EML6: variants seen among roughly 807,000 people sequenced by gnomAD.
EML6 encodes EMAP like 6.
EML6 carries 154 observed loss-of-function variants against 240.1 expected under a neutral mutation model. That is an observed-to-expected ratio of 0.64 (90% CI 0.56 to 0.73). The LOEUF (loss-of-function observed/expected upper bound fraction) is 0.73, where lower values mean the gene tolerates loss of function less well. Among genes scored for constraint, EML6 ranks in the 30% least tolerant of loss-of-function variants. EML6 has a pLI of 0.00. For missense variants in EML6, 2,964 were observed against 2,474.6 expected, an observed-to-expected ratio of 1.20 and a Z score of -4.20; for synonymous variants, 1,148 against 899.0, an observed-to-expected ratio of 1.28 and a Z score of -4.95.
intron 2 of EML6, among the ~76,000 whole-genome samples, chr2:54,776,969 C>T (rs1268248081): frequency 6.6e-6 from 1 of 152,026 alleles, no homozygotes; most frequent in Non-Finnish European, 1.5e-5. Flanking sequence ...AAAAAAACAC[C>T]TTTGATTTTG....
At chr2:54,913,811 A>G (rs2104303094) in intron 25 of EML6, among the ~76,000 whole-genome samples, 1 of 152,212 alleles carries the variant, frequency 6.6e-6, no homozygotes, top group Non-Finnish European at 1.5e-5. Context: ...TAAATCTCTA[A>G]TCCATCTTGA....
chr2:54,912,392 A>G (rs538016406), intron 25 of EML6, among the ~76,000 whole-genome samples: 4 of 152,234 alleles, frequency 2.6e-5, no homozygotes, highest in Admixed American at 1.3e-4. Flanking sequence ...GATACTTTAT[A>G]CACCTTTATT....
At chr2:54,861,349 C>T (rs1405914574) in intron 12 of EML6, among the ~76,000 whole-genome samples, 1 of 152,158 alleles carries the variant, frequency 6.6e-6, no homozygotes, top group Non-Finnish European at 1.5e-5. Flanking sequence ...ACTTAAACCA[C>T]AGAAAATGAA....
At chr2:54,781,058 A>G (rs1284305736) in intron 2 of EML6, among the ~76,000 whole-genome samples, 2 of 152,208 alleles carry the variant, frequency 1.3e-5, no homozygotes, top group East Asian at 1.9e-4. Flanking sequence ...AAAAATAACA[A>G]TTTACCTTTA....
chr2:54,825,549 C>T (rs937909463), intron 5 of EML6, among the ~76,000 whole-genome samples: 7 of 152,174 alleles, frequency 4.6e-5, no homozygotes, highest in Admixed American at 3.9e-4. Context: ...AGGCATGAGC[C>T]ACTGCACCTG....
At chr2:54,777,403 G>T (rs974369436) in intron 2 of EML6, among the ~76,000 whole-genome samples, 2 of 152,122 alleles carry the variant, frequency 1.3e-5, no homozygotes, top group African/African-American at 4.8e-5. Context: ...ACTTTTTATT[G>T]CAGGCTTTTT....
intron 2 of EML6, among the ~76,000 whole-genome samples, chr2:54,764,351 G>A (rs1010666843): frequency 1.9e-4 from 29 of 152,298 alleles, no homozygotes; most frequent in Non-Finnish European, 1.0e-4. Context: ...TATAGAATTA[G>A]CGAGATTAGA....
chr2:54,948,977 C>G lies in EML6; in HGVS notation c.4083+17C>G. On this transcript the variant is annotated intron_variant, in intron 29 of 41. Transcript: ENST00000356458. Reference sequence around the variant, plus strand: ...CTGGTTGAGGTGAGTTAAACAATCACTTGTAGTCTGATATTGACGTTCTAA... The same window carrying G: ...CTGGTTGAGGTGAGTTAAACAATCAGTTGTAGTCTGATATTGACGTTCTAA... 1 of 1,511,160 alleles carries G rather than the reference C, an allele frequency of 6.6e-7. No homozygotes were observed. Among genetic ancestry groups the G allele is most frequent in the South Asian group, 1.2e-5 (1 of 83,320 alleles). 93.6% of individuals were successfully genotyped at this position (1,511,160 alleles called of 1,614,324 possible).
Position 54,964,571 on chromosome 2 carries a change from A to C in EML6, c.5331A>C (p.Arg1777Ser). 1 of 1,552,284 alleles carries C rather than the reference A, an allele frequency of 6.4e-7. No individual in the cohort carries two copies. The highest frequency in any genetic ancestry group is 8.7e-7 in the Non-Finnish European group (1 of 1,147,098). ...TCTGCTCTCGGATTGCTTTTTCTAG[A>C]ATCAGCCCAGACAACCGATTCTTAG... ...RDRKSAIQDI[R>S]ISPDNRFLAV... The change falls in exon 38 of 42, where the codon AGA becomes AGC. Residue 1777 changes from arginine (R) to serine (S), a missense_variant and splice_region_variant. Transcript: ENST00000356458.
At chr2:54,891,967 T>C (rs866505161) in intron 18 of EML6, among the ~76,000 whole-genome samples, 3 of 152,242 alleles carry the variant, frequency 2.0e-5, no homozygotes, top group South Asian at 4.1e-4. Flanking sequence ...ATAGCTGTTA[T>C]AAATAAGCAG....
At chr2:54,799,453 C>T (rs932776618) in intron 2 of EML6, among the ~76,000 whole-genome samples, 9 of 152,056 alleles carry the variant, frequency 5.9e-5, no homozygotes, top group African/African-American at 2.2e-4. Flanking sequence ...TCAAGCGATT[C>T]TCCTGCCTCA....
At chr2:54,941,241 T>C (rs951664077) in intron 28 of EML6, among the ~76,000 whole-genome samples, 1 of 152,220 alleles carries the variant, frequency 6.6e-6, no homozygotes, top group Non-Finnish European at 1.5e-5. Context: ...CTCGAACATT[T>C]GTCATTTATT....
At chr2:54,931,229 T>G (rs1332715838) in intron 28 of EML6, among the ~76,000 whole-genome samples, 2 of 152,096 alleles carry the variant, frequency 1.3e-5, no homozygotes, top group Non-Finnish European at 2.9e-5. Context: ...AGTGCTGGGA[T>G]TACAGGCGTG....
At chr2:54,908,809 A>T (rs1477842825) in intron 24 of EML6, among the ~76,000 whole-genome samples, 1 of 152,124 alleles carries the variant, frequency 6.6e-6, no homozygotes, top group African/African-American at 2.4e-5. Flanking sequence ...GTTTACCAAG[A>T]GAGAACTTTG....
At chr2:54,920,462 A>T (rs1040605894) in intron 26 of EML6, among the ~76,000 whole-genome samples, 5 of 152,206 alleles carry the variant, frequency 3.3e-5, no homozygotes, top group Non-Finnish European at 7.4e-5. Context: ...TGAAGTGCAA[A>T]GAAATAGAAA....
intron 36 of EML6, among the ~76,000 whole-genome samples, chr2:54,963,479 GA>G (rs1253713221): frequency 1.3e-5 from 2 of 152,138 alleles, no homozygotes; most frequent in African/African-American, 4.8e-5. Context: ...TAAAAACTGA[GA>G]TGTAATTTAC....
chr2:54,880,761 C>A (rs1040589413), intron 17 of EML6: 1 of 152,152 alleles, frequency 6.6e-6, no homozygotes. Context: ...TCTGTTCCCC[C>A]CAGACTAAAA....
chr2:54,813,177 G>A, intron 2 of EML6, 55 bp from the exon 3 acceptor site: 2 of 1,252,980 alleles, frequency 1.6e-6, no homozygotes, highest in Non-Finnish European at 2.2e-6. Flanking sequence ...TGGATAAAAG[G>A]TGATCAGTGT....
chr2:54,962,759 G>A (rs74963522), intron 36 of EML6, 48 bp downstream of exon 36: 22,292 of 1,402,488 alleles, frequency 0.016, 205 homozygotes, highest in South Asian at 0.027. Flanking sequence ...TGGGCTGCGC[G>A]GCAGTGGGAG....
Sources: allele counts gnomAD v4.1 joint callset (sites outside exome capture counted in the v4.1 genomes callset), GRCh38; gene constraint gnomAD v4.1.1; transcripts MANE v1.5; gene names NCBI Gene and HGNC (gene_info 2026-07-23, HGNC 2026-07-21).